The following EXOC2 variants were observed in gnomAD, a reference collection of about 807,000 sequenced individuals.
EXOC2 encodes exocyst complex component 2, also known as SEC5-like 1.
A neutral mutation model predicts 131.8 loss-of-function variants in EXOC2; 70 were observed. That is an observed-to-expected ratio of 0.53 (90% confidence interval 0.44 to 0.65). The LOEUF (loss-of-function observed/expected upper bound fraction) is 0.65, where lower values mean the gene tolerates loss of function less well. EXOC2 is among the 30% of genes least tolerant of loss of function. The pLI is 0.00. For synonymous variants in EXOC2, 411 were observed against 398.4 expected (o/e 1.03, Z -0.38); for missense variants, 923 against 1,108.6 (o/e 0.83, Z 2.38).
chr6:672,984 G>T (rs1396639078), intron 1 of EXOC2, among the ~76,000 whole-genome samples: 1 of 152,052 alleles, frequency 6.6e-6, no homozygotes, highest in Non-Finnish European at 1.5e-5. Flanking sequence ...TCATGACTGG[G>T]CGCGGTGGCT....
chr6:530,316 A>G (rs1766001855), intron 23 of EXOC2, among the ~76,000 whole-genome samples: 1 of 152,232 alleles, frequency 6.6e-6, no homozygotes, highest in African/African-American at 2.4e-5. Context: ...AGAAAATGCC[A>G]ATCTTCATTT....
intron 1 of EXOC2, among the ~76,000 whole-genome samples, chr6:665,302 C>T (rs148877874): frequency 0.015 from 2,088 of 143,440 alleles, 21 homozygotes; most frequent in Middle Eastern, 0.031. Flanking sequence ...GGTGTAGATG[C>T]GGTGAACAGG....
chr6:518,419 G>C (rs1016531892), intron 23 of EXOC2, among the ~76,000 whole-genome samples: 1 of 152,176 alleles, frequency 6.6e-6, no homozygotes, highest in Non-Finnish European at 1.5e-5. Flanking sequence ...CTGTTTATTT[G>C]TACAATAGTA....
intron 7 of EXOC2, among the ~76,000 whole-genome samples, chr6:608,486 T>C (rs1760543477): frequency 6.6e-6 from 1 of 150,768 alleles, no homozygotes; most frequent in African/African-American, 2.5e-5. Context: ...GAAGTGACCA[T>C]TTATATTAAG....
At chr6:591,129 C>G (rs1447553360) in intron 11 of EXOC2, among the ~76,000 whole-genome samples, 2 of 152,200 alleles carry the variant, frequency 1.3e-5, no homozygotes, top group Admixed American at 1.3e-4. Context: ...CACATTCCCA[C>G]CACCTCCACA....
chr6:590,528 C>T (rs983562194), intron 11 of EXOC2, among the ~76,000 whole-genome samples: 2 of 152,204 alleles, frequency 1.3e-5, no homozygotes, highest in Non-Finnish European at 1.5e-5. Flanking sequence ...CTGATCCTCC[C>T]AGGGACCTGA....
At chr6:589,377 T>C (rs1326310864) in intron 11 of EXOC2, among the ~76,000 whole-genome samples, 2 of 150,608 alleles carry the variant, frequency 1.3e-5, no homozygotes, top group Non-Finnish European at 3.0e-5. Flanking sequence ...GAGAACTGAC[T>C]GTCCAGCACC....
chr6:607,381 G>C (rs947385040), intron 7 of EXOC2, among the ~76,000 whole-genome samples: 3 of 152,124 alleles, frequency 2.0e-5, no homozygotes, highest in African/African-American at 7.2e-5. Context: ...ATAAAGCGAA[G>C]ATAACAGCAC....
intron 1 of EXOC2, among the ~76,000 whole-genome samples, chr6:654,430 C>T (rs982490291): frequency 5.9e-5 from 9 of 152,076 alleles, no homozygotes; most frequent in African/African-American, 1.7e-4. Context: ...CCAACCAGCA[C>T]GGATGACTTT....
At chr6:622,041 G>A (rs897876361) in intron 4 of EXOC2, among the ~76,000 whole-genome samples, 1 of 152,198 alleles carries the variant, frequency 6.6e-6, no homozygotes, top group African/African-American at 2.4e-5. Context: ...CTAACCGGCA[G>A]GCAGCATCTG....
At chr6:677,896 C>T (rs1330932553) in intron 1 of EXOC2, among the ~76,000 whole-genome samples, 1 of 151,900 alleles carries the variant, frequency 6.6e-6, no homozygotes, top group Non-Finnish European at 1.5e-5. Flanking sequence ...AGGAATCACA[C>T]CTAGGCAGTT....
intron 1 of EXOC2, among the ~76,000 whole-genome samples, chr6:674,270 G>A (rs140676295): frequency 6.6e-6 from 1 of 152,146 alleles, no homozygotes; most frequent in African/African-American, 2.4e-5. Flanking sequence ...GATGAAGACT[G>A]CTGACATGAT....
chr6:687,231 G>A (rs1441194530), intron 1 of EXOC2, among the ~76,000 whole-genome samples: 1 of 127,460 alleles, frequency 7.8e-6, no homozygotes, highest in Non-Finnish European at 1.6e-5. Context: ...GGCTGCTGGA[G>A]TGCAGTGGTG....
chr6:618,248 T>C (rs866085620), intron 5 of EXOC2, among the ~76,000 whole-genome samples: 1 of 152,202 alleles, frequency 6.6e-6, no homozygotes, highest in African/African-American at 2.4e-5. Context: ...GTACATTCAC[T>C]GAAGCATTGT....
chr6:628,321 G>A (rs542466158), intron 4 of EXOC2, among the ~76,000 whole-genome samples: 1 of 152,362 alleles, frequency 6.6e-6, no homozygotes, highest in African/African-American at 2.4e-5. Context: ...AGTACTTTCA[G>A]TGCCATTATT....
At chr6:570,785 T>C (rs141807287) in intron 13 of EXOC2, among the ~76,000 whole-genome samples, 1 of 152,344 alleles carries the variant, frequency 6.6e-6, no homozygotes, top group African/African-American at 2.4e-5. Flanking sequence ...ATGCTCCTAG[T>C]GTTCTGCGTG....
chr6:530,416 T>C (rs988775365), intron 23 of EXOC2, among the ~76,000 whole-genome samples: 4 of 152,344 alleles, frequency 2.6e-5, no homozygotes, highest in African/African-American at 9.6e-5. Flanking sequence ...ATGACGGCCT[T>C]GTGCTGAGAC....
intron 23 of EXOC2, among the ~76,000 whole-genome samples, chr6:518,802 T>C (rs1765302730): frequency 6.6e-6 from 1 of 152,174 alleles, no homozygotes; most frequent in Non-Finnish European, 1.5e-5. Context: ...AAATGTAAAA[T>C]TCCTTTTTGC....
In EXOC2 at chr6:576,857, C is replaced by G. The variant is rs768797315; in HGVS notation, c.1218G>C (p.Met406Ile). 4 of 1,614,074 alleles carry G rather than the reference C, an allele frequency of 2.5e-6. No homozygotes were observed. In the Admixed American group the frequency reaches 5.0e-5, roughly 20 times the overall value. The change falls in exon 12 of 28, where the codon ATG becomes ATC. Residue 406 changes from methionine (M) to isoleucine (I), a missense_variant. Coordinates refer to ENST00000230449, the MANE Select transcript of EXOC2 (RefSeq NM_018303.6). ...LKGNPGLHSP[M>I]LDLDNDTRPS... ...GACGTGTATCATTATCAAGATCCAA[C>G]ATGGGACTGTGCAGGCCTGGGTTAC...
Sources: allele counts gnomAD v4.1 joint callset (sites outside exome capture counted in the v4.1 genomes callset), GRCh38; gene constraint gnomAD v4.1.1; transcripts MANE v1.5; gene names NCBI Gene and HGNC (gene_info 2026-07-23, HGNC 2026-07-21).